The following ELAVL2 variants were observed in gnomAD, a reference collection of about 807,000 sequenced individuals.
The protein encoded by ELAVL2 is ELAV like RNA binding protein 2, also known as ELAV-like protein 2.
Under a neutral mutation model 34.6 loss-of-function variants are expected in ELAVL2, and 4 were observed. That is an observed-to-expected ratio of 0.12 (90% CI 0.06 to 0.26). ELAVL2 has a LOEUF of 0.26. Ranked by LOEUF, ELAVL2 falls within the 10% of genes least tolerant of loss-of-function variation. The pLI, the probability that ELAVL2 is intolerant of heterozygous loss-of-function variation, is 1.00. For missense variants in ELAVL2, 432 were observed against 442.8 expected, an observed-to-expected ratio of 0.98 and a Z score of 0.22; for synonymous variants, 193 against 154.8, an observed-to-expected ratio of 1.25 and a Z score of -1.83.
chr9:23,795,382 A>G (rs1211711518), intron 1 of ELAVL2, among the ~76,000 whole-genome samples: 2 of 152,024 alleles, frequency 1.3e-5, no homozygotes, highest in Admixed American at 6.6e-5. Flanking sequence ...CATCTCTACT[A>G]AAAATACAAA....
intron 2 of ELAVL2, among the ~76,000 whole-genome samples, chr9:23,748,251 C>T (rs1180638889): frequency 2.0e-5 from 3 of 152,006 alleles, no homozygotes; most frequent in African/African-American, 7.2e-5. Context: ...TCTAACTCGT[C>T]GCTCTTTGAC....
chr9:23,849,269 G>A, the ELAVL2 span, among the ~76,000 whole-genome samples: 1 of 152,178 alleles, frequency 6.6e-6, no homozygotes, highest in Non-Finnish European at 1.5e-5. Context: ...GGAAGAGGGA[G>A]GAGAGGAGAG....
intron 2 of ELAVL2, among the ~76,000 whole-genome samples, chr9:23,746,348 A>G (rs2050476781): frequency 6.6e-6 from 1 of 152,196 alleles, no homozygotes; most frequent in African/African-American, 2.4e-5. Flanking sequence ...AAGATAAAAA[A>G]TATGAATTAC....
intron 3 of ELAVL2, among the ~76,000 whole-genome samples, chr9:23,710,456 G>A (rs566926957): frequency 2.6e-5 from 4 of 152,276 alleles, no homozygotes; most frequent in East Asian, 3.9e-4. Context: ...CAGTGACAGT[G>A]GACATTAATA....
chr9:23,836,460 C>A, the ELAVL2 span, among the ~76,000 whole-genome samples: 2 of 152,038 alleles, frequency 1.3e-5, no homozygotes, highest in Non-Finnish European at 2.9e-5. Flanking sequence ...CTGATGTATT[C>A]TAGAATACTA....
chr9:23,731,986 C>G (rs768680026), intron 2 of ELAVL2, among the ~76,000 whole-genome samples: 1 of 152,142 alleles, frequency 6.6e-6, no homozygotes, highest in Non-Finnish European at 1.5e-5. Flanking sequence ...GCAAAGATAA[C>G]TAAAGTCAAT....
chr9:23,735,598 G>A (rs1243824876), intron 2 of ELAVL2: 1 of 152,148 alleles, frequency 6.6e-6, no homozygotes, highest in Admixed American at 6.6e-5. Context: ...GATTTTAATG[G>A]CCTTGGTAGG....
intron 1 of ELAVL2, among the ~76,000 whole-genome samples, chr9:23,800,038 C>T (rs995972976): frequency 1.3e-5 from 2 of 152,122 alleles, no homozygotes; most frequent in African/African-American, 4.8e-5. Flanking sequence ...ATTAAAGAAA[C>T]AAAAGCCTTA....
intron 3 of ELAVL2, among the ~76,000 whole-genome samples, chr9:23,722,457 A>G (rs1445607385): frequency 6.6e-6 from 1 of 152,192 alleles, no homozygotes; most frequent in African/African-American, 2.4e-5. Context: ...GGCTGTCTCA[A>G]GTGCTCACTC....
At chr9:23,755,387 A>G (rs2053301579) in intron 2 of ELAVL2, among the ~76,000 whole-genome samples, 2 of 152,226 alleles carry the variant, frequency 1.3e-5, no homozygotes, top group African/African-American at 4.8e-5. Context: ...TGAACCTAGA[A>G]GAATAAATGT....
chr9:23,834,406 G>A, the ELAVL2 span, among the ~76,000 whole-genome samples: 3 of 151,764 alleles, frequency 2.0e-5, no homozygotes, highest in East Asian at 3.9e-4. Context: ...CTGATTTCAC[G>A]GGTCCTTGGA....
chr9:23,796,155 C>T (rs534901296), intron 1 of ELAVL2, among the ~76,000 whole-genome samples: 2 of 152,294 alleles, frequency 1.3e-5, no homozygotes, highest in South Asian at 2.1e-4. Flanking sequence ...CTAGGTCCTA[C>T]TATAAAACAC....
intron 3 of ELAVL2, 59 bp from the exon 4 acceptor site, chr9:23,705,130 G>C: frequency 1.3e-6 from 2 of 1,595,352 alleles, no homozygotes; most frequent in Non-Finnish European, 1.7e-6. Flanking sequence ...CCTCCCTTTA[G>C]AAACTCAAAA....
chr9:23,828,020 C>T (rs889433025), upstream of ELAVL2, among the ~76,000 whole-genome samples: 1 of 152,110 alleles, frequency 6.6e-6, no homozygotes, highest in Admixed American at 6.5e-5. Context: ...TAAAACTATT[C>T]TCTAGACCTG....
intron 2 of ELAVL2, among the ~76,000 whole-genome samples, chr9:23,738,638 C>T (rs2048439516): frequency 6.6e-6 from 1 of 152,212 alleles, no homozygotes; most frequent in Non-Finnish European, 1.5e-5. Flanking sequence ...GCTAATAAAG[C>T]TGGCCTGAGA....
intron 3 of ELAVL2, among the ~76,000 whole-genome samples, chr9:23,722,690 T>C (rs2044043618): frequency 1.3e-5 from 2 of 152,256 alleles, no homozygotes; most frequent in Non-Finnish European, 2.9e-5. Flanking sequence ...AACATGATAC[T>C]ACATTTCTGA....
At chr9:23,815,469 T>C (rs1210936306) in intron 1 of ELAVL2, among the ~76,000 whole-genome samples, 1 of 152,042 alleles carries the variant, frequency 6.6e-6, no homozygotes, top group African/African-American at 2.4e-5. Context: ...TGGTGTATTA[T>C]AAAAAAACAA....
chr9:23,786,527 T>C (rs1182572698), intron 1 of ELAVL2, among the ~76,000 whole-genome samples: 1 of 151,644 alleles, frequency 6.6e-6, no homozygotes, highest in African/African-American at 2.4e-5. Flanking sequence ...AAAATGCAGC[T>C]CAATAAAAAT....
intron 2 of ELAVL2, among the ~76,000 whole-genome samples, chr9:23,759,789 T>TATATATAA (rs1351880472): frequency 9.4e-5 from 10 of 106,408 alleles, no homozygotes; most frequent in Non-Finnish European, 1.7e-4. Flanking sequence ...TATATATATA[T>TATATATAA]AATGTATAGA....
Sources: allele counts gnomAD v4.1 joint callset (sites outside exome capture counted in the v4.1 genomes callset), GRCh38; gene constraint gnomAD v4.1.1; transcripts MANE v1.5; gene names NCBI Gene and HGNC (gene_info 2026-07-23, HGNC 2026-07-21).